The following SCFD2 variants were observed in gnomAD, a reference collection of about 807,000 sequenced individuals.
SCFD2 encodes the protein sec1 family domain containing 2, also known as sec1 family domain-containing protein 2.
In SCFD2, 54 loss-of-function variants were observed where a neutral mutation model predicts 58.9. The ratio of observed to expected loss-of-function variants is 0.92; its 90% CI spans 0.74 to 1.15. The LOEUF (loss-of-function observed/expected upper bound fraction) is 1.15, where lower values mean the gene tolerates loss of function less well. Ranked by LOEUF, SCFD2 falls within the 50% of genes most tolerant of loss-of-function variation. The probability of loss-of-function intolerance (pLI) is 0.00; values close to 1 mark genes in which losing one functional copy is unlikely to be tolerated. For synonymous variants in SCFD2, 321 were observed against 335.9 expected, an observed-to-expected ratio of 0.96 and a Z score of 0.49; for missense variants, 805 against 836.6, an observed-to-expected ratio of 0.96 and a Z score of 0.47.
intron 5 of SCFD2, among the ~76,000 whole-genome samples, chr4:52,955,239 T>C (rs540339630): frequency 6.6e-6 from 1 of 152,288 alleles, no homozygotes; most frequent in East Asian, 1.9e-4. Context: ...CTGTTTTCTG[T>C]TCAGTGCTAA....
intron 5 of SCFD2, among the ~76,000 whole-genome samples, chr4:53,075,044 C>T (rs6858022): frequency 0.011 from 1,628 of 152,294 alleles, 29 homozygotes; most frequent in African/African-American, 0.037. Flanking sequence ...ATCATCTACA[C>T]TGAACATCTG....
At chr4:53,319,218 A>T (rs1376346993) in intron 2 of SCFD2, among the ~76,000 whole-genome samples, 1 of 152,232 alleles carries the variant, frequency 6.6e-6, no homozygotes, top group Non-Finnish European at 1.5e-5. Context: ...TTCCGGAAGC[A>T]GGTAAAGCTC....
At chr4:53,191,460 G>A (rs1364433747) in intron 4 of SCFD2, among the ~76,000 whole-genome samples, 2 of 152,030 alleles carry the variant, frequency 1.3e-5, no homozygotes, top group Non-Finnish European at 2.9e-5. Flanking sequence ...AGGCTGGAGT[G>A]CAGTGGCACG....
Position 53,060,469 on chromosome 4 carries a change from T to G in SCFD2, c.1561+84864A>C, listed in dbSNP as rs1467640232. ...ACACATGAAACTTAGATCTCTGTAC[T>G]GCAAAGGTTCTCAAAGTGTGGTCTG... is the stretch of plus-strand genomic sequence containing the variant. On this transcript the variant is annotated intron_variant, in intron 5 of 8. Coordinates refer to ENST00000401642, the MANE Select transcript of SCFD2 (RefSeq NM_152540.4). Among the ~76,000 whole-genome samples, 3 of 152,320 alleles carry G rather than the reference T, an allele frequency of 2.0e-5. No individual in the cohort carries two copies. The South Asian group carries it at 6.2e-4, about 32-fold the overall frequency.
At chr4:52,960,317 G>A (rs1430041255) in intron 5 of SCFD2, among the ~76,000 whole-genome samples, 2 of 151,812 alleles carry the variant, frequency 1.3e-5, no homozygotes, top group Admixed American at 6.6e-5. Flanking sequence ...GCGGCCACCA[G>A]GCCCATGGGC....
intron 5 of SCFD2, among the ~76,000 whole-genome samples, chr4:53,136,643 T>C (rs1725951490): frequency 6.6e-6 from 1 of 152,230 alleles, no homozygotes; most frequent in Non-Finnish European, 1.5e-5. Context: ...GAAGTTCATA[T>C]TACAGATACA....
intron 5 of SCFD2, among the ~76,000 whole-genome samples, chr4:53,014,070 C>A (rs1722156630): frequency 6.6e-6 from 1 of 152,132 alleles, no homozygotes; most frequent in South Asian, 2.1e-4. Flanking sequence ...CGGAGAAAAA[C>A]AGACATACAC....
intron 1 of SCFD2, among the ~76,000 whole-genome samples, chr4:53,356,838 G>C (rs1395094754): frequency 6.7e-6 from 1 of 148,150 alleles, no homozygotes; most frequent in Admixed American, 7.0e-5. Context: ...CTCGGTTCAC[G>C]CCATTCTCCT....
intron 7 of SCFD2, among the ~76,000 whole-genome samples, chr4:52,896,851 T>C (rs1216726284): frequency 6.6e-6 from 1 of 152,256 alleles, no homozygotes; most frequent in African/African-American, 2.4e-5. Context: ...CAGTGGTTTG[T>C]AGTTCTCCTT....
At chr4:53,342,847 C>G (rs937999162) in intron 2 of SCFD2, among the ~76,000 whole-genome samples, 3 of 152,158 alleles carry the variant, frequency 2.0e-5, no homozygotes, top group Non-Finnish European at 2.9e-5. Context: ...ACAACCTGCT[C>G]CTGAATGAAT....
intron 6 of SCFD2, among the ~76,000 whole-genome samples, chr4:52,914,846 G>GT (rs1719565680): frequency 6.6e-6 from 1 of 152,092 alleles, no homozygotes; most frequent in South Asian, 2.1e-4. Flanking sequence ...TCGTGGCCCT[G>GT]TATGAGAGCC....
intron 5 of SCFD2, among the ~76,000 whole-genome samples, chr4:52,990,815 A>G (rs371232482): frequency 1.3e-5 from 2 of 152,234 alleles, no homozygotes; most frequent in African/African-American, 4.8e-5. Flanking sequence ...TCTTTCCAAC[A>G]AAAGAGAAAT....
intron 2 of SCFD2, among the ~76,000 whole-genome samples, chr4:53,343,087 A>G (rs576228884): frequency 1.3e-5 from 2 of 152,330 alleles, no homozygotes; most frequent in Non-Finnish European, 2.9e-5. Context: ...AAGCTAGAAG[A>G]AGGCAAGAAA....
At chr4:53,219,287 A>T (rs1158200633) in intron 4 of SCFD2, among the ~76,000 whole-genome samples, 1 of 152,192 alleles carries the variant, frequency 6.6e-6, no homozygotes, top group African/African-American at 2.4e-5. Flanking sequence ...GGCTCCACCC[A>T]GTTTCAGTTT....
intron 5 of SCFD2, among the ~76,000 whole-genome samples, chr4:53,073,934 T>A (rs772098626): frequency 2.0e-5 from 3 of 152,166 alleles, no homozygotes; most frequent in Non-Finnish European, 2.9e-5. Context: ...TGCTGACTGA[T>A]CAGGGTAGTG....
chr4:53,298,315 G>C (rs1732125047), intron 3 of SCFD2, among the ~76,000 whole-genome samples: 1 of 152,200 alleles, frequency 6.6e-6, no homozygotes, highest in Non-Finnish European at 1.5e-5. Context: ...ACCTGGCTCA[G>C]AGGGTCCTAT....
intron 3 of SCFD2, among the ~76,000 whole-genome samples, chr4:53,285,302 G>A (rs1466839835): frequency 6.6e-6 from 1 of 151,956 alleles, no homozygotes; most frequent in Non-Finnish European, 1.5e-5. Flanking sequence ...GATTGCCTCT[G>A]TTATCCAGGG....
chr4:53,325,185 G>A (rs955601902), intron 2 of SCFD2, among the ~76,000 whole-genome samples: 1 of 150,422 alleles, frequency 6.6e-6, no homozygotes, highest in East Asian at 2.0e-4. Context: ...AGATGTGTGT[G>A]TGTGTGCGCG....
intron 5 of SCFD2, among the ~76,000 whole-genome samples, chr4:53,136,337 T>G (rs1382775038): frequency 6.6e-6 from 1 of 152,186 alleles, no homozygotes; most frequent in Non-Finnish European, 1.5e-5. Flanking sequence ...CAATTAACCT[T>G]GTTGTCCTCA....
Sources: allele counts gnomAD v4.1 joint callset (sites outside exome capture counted in the v4.1 genomes callset), GRCh38; gene constraint gnomAD v4.1.1; transcripts MANE v1.5; gene names NCBI Gene and HGNC (gene_info 2026-07-23, HGNC 2026-07-21).